The following SIRPD variants were observed in gnomAD, a reference collection of about 807,000 sequenced individuals.
SIRPD encodes the protein signal regulatory protein delta, also known as signal-regulatory protein delta.
Under a neutral mutation model 18.0 loss-of-function variants are expected in SIRPD, and 21 were observed. The ratio of observed to expected loss-of-function variants is 1.17; its 90% CI spans 0.83 to 1.68. The LOEUF is 1.68. Ranked by LOEUF, SIRPD falls within the 40% of genes most tolerant of loss-of-function variation. SIRPD has a pLI of 0.00. For synonymous variants in SIRPD, 106 were observed against 92.9 expected, an observed-to-expected ratio of 1.14 and a Z score of -0.81; for missense variants, 295 against 238.4, an observed-to-expected ratio of 1.24 and a Z score of -1.56.
chr20:1,545,663 C>A (rs141287982), intron 2 of SIRPD, among the ~76,000 whole-genome samples: 5 of 152,134 alleles, frequency 3.3e-5, no homozygotes, highest in Non-Finnish European at 5.9e-5. Context: ...GCCTTGCTGG[C>A]GAGGAGATGT....
intron 2 of SIRPD, among the ~76,000 whole-genome samples, chr20:1,549,660 T>A (rs931796113): frequency 2.0e-5 from 3 of 152,054 alleles, no homozygotes; most frequent in Non-Finnish European, 4.4e-5. Context: ...TCTTCCCCAG[T>A]TTTAGTAGTT....
intron 2 of SIRPD, among the ~76,000 whole-genome samples, chr20:1,550,992 A>G (rs929248934): frequency 6.6e-6 from 1 of 152,242 alleles, no homozygotes; most frequent in African/African-American, 2.4e-5. Context: ...GCAGGGAAAC[A>G]TAGATTTGTA....
At chr20:1,552,165 G>C (rs560159638) in intron 1 of SIRPD, 127 bp from the exon 2 acceptor site, 5 of 767,398 alleles carry the variant, frequency 6.5e-6, no homozygotes, top group Non-Finnish European at 1.0e-5. Flanking sequence ...ATTGAGTAAA[G>C]AGAGGCCTTT....
At chr20:1,545,378 T>G (rs765555493) in intron 2 of SIRPD, among the ~76,000 whole-genome samples, 1 of 152,244 alleles carries the variant, frequency 6.6e-6, no homozygotes, top group Non-Finnish European at 1.5e-5. Context: ...CTTCAATCTC[T>G]GAAATCCTTT....
chr20:1,538,656 TGCTATGAGGAA>T (rs1431549964), intron 2 of SIRPD, among the ~76,000 whole-genome samples: 1 of 152,198 alleles, frequency 6.6e-6, no homozygotes, highest in Admixed American at 6.5e-5. Context: ...CTTGCCACCA[TGCTATGAGGAA>T]GCCCAAACTA....
intron 1 of SIRPD, among the ~76,000 whole-genome samples, chr20:1,556,606 T>G (rs1395985672): frequency 6.6e-6 from 1 of 152,202 alleles, no homozygotes; most frequent in East Asian, 1.9e-4. Flanking sequence ...AGGTGGGTGC[T>G]AATCCAATAT....
At chr20:1,553,038 C>T (rs2091026133) in intron 1 of SIRPD, among the ~76,000 whole-genome samples, 1 of 152,084 alleles carries the variant, frequency 6.6e-6, no homozygotes, top group African/African-American at 2.4e-5. Context: ...ACTGGTTATC[C>T]TGGGAATAAA....
chr20:1,556,725 T>A (rs569599564), intron 1 of SIRPD, among the ~76,000 whole-genome samples: 67 of 152,254 alleles, frequency 4.4e-4, no homozygotes, highest in Middle Eastern at 3.4e-3. Context: ...ATCCAACAAA[T>A]GTTTGAGGCT....
chr20:1,550,537 C>G (rs1338597161), intron 2 of SIRPD, among the ~76,000 whole-genome samples: 2 of 152,078 alleles, frequency 1.3e-5, no homozygotes, highest in Admixed American at 1.3e-4. Context: ...AACATTAAGC[C>G]CTAAATCCAA....
chr20:1,536,869 G>A (rs1208548004), intron 3 of SIRPD, among the ~76,000 whole-genome samples: 3 of 152,148 alleles, frequency 2.0e-5, no homozygotes, highest in Non-Finnish European at 4.4e-5. Context: ...AGGACATCAG[G>A]GGTGTGGGAA....
chr20:1,556,177 A>G (rs992367566), intron 1 of SIRPD, among the ~76,000 whole-genome samples: 1 of 152,218 alleles, frequency 6.6e-6, no homozygotes. Flanking sequence ...ATATTCTATC[A>G]GATAGAAGCA....
chr20:1,536,665 T>G (rs1292485653), intron 3 of SIRPD, among the ~76,000 whole-genome samples: 4 of 152,302 alleles, frequency 2.6e-5, no homozygotes, highest in Middle Eastern at 3.4e-3. Flanking sequence ...GTGTAGTACT[T>G]GTTGTTATCT....
rs370018372 is a variant in SIRPD, at chr20:1,537,268, G to A, written c.464C>T (p.Ala155Val). ...RPPKNRPAGR[A>V]GSRAHHDAHT... The stretch of plus-strand genomic sequence containing the variant: ...GGCATCATGGTGGGCCCTGGAGCCT[G>A]CTCTGCCTGCAGGTCTGTTCTTGGG... The change falls in exon 3 of 4, where the codon GCA becomes GTA. Residue 155 changes from alanine (A) to valine (V), a missense_variant. By Grantham distance (64) the Ala-to-Val change is moderately conservative. Coordinates refer to ENST00000381623, the MANE Select transcript of SIRPD (RefSeq NM_178460.3). The A allele has an allele frequency of 6.2e-6, 10 of 1,614,120 alleles. 1 individual carries two copies. In the South Asian group the frequency reaches 7.7e-5, roughly 12 times the overall value.
intron 1 of SIRPD, 32 bp downstream of exon 1, chr20:1,557,549 C>A (rs769133250): frequency 6.7e-7 from 1 of 1,486,248 alleles, no homozygotes; most frequent in Admixed American, 2.3e-5. Context: ...AGGGGAGAAC[C>A]CACCACACAC....
At chr20:1,545,083 TTG>T (rs1202648597) in intron 2 of SIRPD, among the ~76,000 whole-genome samples, 1 of 152,160 alleles carries the variant, frequency 6.6e-6, no homozygotes, top group Admixed American at 6.5e-5. Flanking sequence ...AATCTGGCGA[TTG>T]TGTGTCTTGG....
chr20:1,552,144 A>G, intron 1 of SIRPD, 106 bp from the exon 2 acceptor site: 1 of 900,908 alleles, frequency 1.1e-6, no homozygotes, highest in Non-Finnish European at 1.7e-6. Context: ...GACATGCGCA[A>G]ATGCCCATGC....
chr20:1,551,678 G>C lies in SIRPD; in HGVS notation c.421+13C>G, dbSNP rs762580654. On this transcript the variant is annotated intron_variant, in intron 2 of 3. Coordinates refer to ENST00000381623, the MANE Select transcript of SIRPD (RefSeq NM_178460.3). ...ATACACCAGGGGGTATGGGGTATAG[G>C]AGACATACTCACCAGTAACAAACAC... is the stretch of plus-strand genomic sequence containing the variant. 3.1e-6 allele frequency: 5 copies of C among 1,599,646 alleles called. No homozygotes were observed. Among genetic ancestry groups the C allele is most frequent in the Non-Finnish European group, 4.3e-6 (5 of 1,169,758 alleles).
chr20:1,537,686 A>G (rs2090953419), intron 2 of SIRPD, among the ~76,000 whole-genome samples: 2 of 152,146 alleles, frequency 1.3e-5, no homozygotes, highest in African/African-American at 4.8e-5. Context: ...GGGGCTTCAC[A>G]GGTGTGGATC....
Position 1,552,030 on chromosome 20 carries a change from G to C in SIRPD, c.82C>G (p.His28Asp), listed in dbSNP as rs1368447445. The C allele has an allele frequency of 6.2e-7, 1 of 1,610,646 alleles. No individual in the cohort carries two copies. Residue 28 changes from histidine to aspartate, a missense_variant, in exon 2 of 4, where the codon CAT (histidine) becomes GAT (aspartate). By Grantham distance (81) the His-to-Asp change is moderately conservative. Coordinates refer to ENST00000381623, the MANE Select transcript of SIRPD (RefSeq NM_178460.3). ...TCCGTTTGTTGCACATGGAACACAT[G>C]TGTGACTCCTGGAAAAAAGCTGAAA... ...YLLLELAGVT[H>D]VFHVQQTEMS...
Sources: gnomAD v4.1 joint callset for allele counts (sites outside exome capture counted in the v4.1 genomes callset) on GRCh38, gnomAD v4.1.1 for gene constraint, MANE v1.5 for transcripts, NCBI Gene and HGNC (gene_info 2026-07-23, HGNC 2026-07-21) for gene names.